PSEN2: variants seen among roughly 807,000 people sequenced by gnomAD.
The protein encoded by PSEN2 is presenilin 2, also known as presenilin-2.
A neutral mutation model predicts 49.1 loss-of-function variants in PSEN2; 32 were observed. The observed-to-expected ratio is 0.65, with a 90% CI of 0.49 to 0.88. The LOEUF (loss-of-function observed/expected upper bound fraction) is 0.88. Ranked by LOEUF, PSEN2 falls within the 40% of genes least tolerant of loss-of-function variation. The pLI, the probability that PSEN2 is intolerant of heterozygous loss-of-function variation, is 0.00. For missense variants in PSEN2, 522 were observed against 586.9 expected (o/e 0.89, Z 1.14); for synonymous variants, 255 against 244.0 (o/e 1.05, Z -0.42).
At chr1:226,882,588 G>A (rs907731545) in intron 4 of PSEN2, among the ~76,000 whole-genome samples, 4 of 152,144 alleles carry the variant, frequency 2.6e-5, no homozygotes, top group Non-Finnish European at 1.5e-5. Context: ...TTTCTCTCCC[G>A]ATCAGGGCAG....
intron 7 of PSEN2, 74 bp from the exon 8 acceptor site, chr1:226,888,755 C>G (rs1558149368): frequency 1.5e-6 from 2 of 1,327,094 alleles, no homozygotes; most frequent in Non-Finnish European, 2.2e-6. Context: ...CAGGTTGGGA[C>G]TGAATGGTGG....
intron 9 of PSEN2, chr1:226,890,423 AC>A: frequency 2.5e-6 from 1 of 405,476 alleles, no homozygotes; most frequent in Non-Finnish European, 4.7e-6. Context: ...TCCCGCAGCC[AC>A]CCCTCAGCTC....
intron 8 of PSEN2, 53 bp downstream of exon 8, chr1:226,889,102 A>G: frequency 5.3e-6 from 8 of 1,520,264 alleles, no homozygotes; most frequent in Non-Finnish European, 7.2e-6. Context: ...CCAGGGCCAA[A>G]TCGTCCCCAG....
intron 8 of PSEN2, 78 bp from the exon 9 acceptor site, chr1:226,889,957 G>C: frequency 8.8e-7 from 1 of 1,138,914 alleles, no homozygotes; most frequent in Non-Finnish European, 1.3e-6. Flanking sequence ...TCCACCCGGG[G>C]CTCCTGTGCT....
At position 226,891,972 on chromosome 1, in the gene PSEN2, C is replaced by T. The variant is rs114127255; in HGVS notation, c.1072+128C>T. 6,026 of 783,332 alleles carry T rather than the reference C, an allele frequency of 7.7e-3. 110 individuals are homozygous for T. The highest frequency in any genetic ancestry group is 0.039 in the African/African-American group (2,273 of 58,628). The allele number at this position is 783,332 out of a possible 1,614,324, so 48.5% of individuals were successfully genotyped here. ...GGGCCCCTTTTCCCATCAGAGGCAT[C>T]TCTGTGAAAGTAGAAGATGCCTGCA... On this transcript the variant is annotated intron_variant, in intron 11 of 12. Coordinates refer to ENST00000366783, the MANE Select transcript of PSEN2 (RefSeq NM_000447.3).
rs1395824320 is a variant in PSEN2, at chr1:226,888,089, A to C, written c.499-2A>C. 1 of 1,612,930 alleles carries C rather than the reference A, an allele frequency of 6.2e-7. No homozygotes were observed. Among genetic ancestry groups the C allele is most frequent in the South Asian group, 1.1e-5 (1 of 91,050 alleles). ...TGTGATCGTGCAATTTCTGTTGTCT[A>C]GTTCATCCATGGCTGGTTGATCATG... On this transcript the variant is annotated splice_acceptor_variant, in intron 6 of 12. Transcript: ENST00000366783. LOFTEE classifies it high-confidence loss of function.
chr1:226,895,985 A>G lies in PSEN2; in HGVS notation c.*406A>G. ...GAGTGTTCCCAATGCTTTGTCCATG[A>G]TGTCCTTGTTATTTTATTGCCTTTA... On this transcript the variant is annotated 3_prime_UTR_variant, in exon 13 of 13. Coordinates refer to ENST00000366783, the MANE Select transcript of PSEN2 (RefSeq NM_000447.3). The G allele has an allele frequency of 3.5e-6, 1 of 283,058 alleles. No individual in the cohort carries two copies. The highest frequency in any genetic ancestry group is 4.4e-5 in the South Asian group (1 of 22,872). The allele number at this position is 283,058 out of a possible 1,614,324, so 17.5% of individuals were successfully genotyped here.
At chr1:226,886,818 C>T (rs1339274452) in intron 6 of PSEN2, among the ~76,000 whole-genome samples, 22 of 152,058 alleles carry the variant, frequency 1.4e-4, no homozygotes, top group Admixed American at 1.4e-3. Flanking sequence ...GTAATGAGTA[C>T]CAGCTGGGCA....
rs377489312 is a variant in PSEN2 at position 226,894,065 on chromosome 1, G to A, written c.1131G>A (p.Ala377=). 23 of 1,614,090 alleles carry A rather than the reference G, an allele frequency of 1.4e-5. No homozygotes were observed. In the South Asian group the frequency reaches 1.4e-4, roughly 10 times the overall value. The change falls in exon 12 of 13, where the codon GCG becomes GCA. Residue 377 remains alanine (A), a synonymous_variant. Coordinates refer to ENST00000366783, the MANE Select transcript of PSEN2 (RefSeq NM_000447.3). Reference sequence around the variant, plus strand: ...TCTACAGTGTGCTGGTGGGCAAGGCGGCTGCCACGGGCAGCGGGGACTGGA... The same window carrying A: ...TCTACAGTGTGCTGGTGGGCAAGGCAGCTGCCACGGGCAGCGGGGACTGGA... ...FIFYSVLVGK[A]AATGSGDWNT... is the part of the protein sequence containing the mutation.
downstream of PSEN2, chr1:226,897,707 A>C (rs1225523509): frequency 6.4e-6 from 1 of 155,460 alleles, no homozygotes; most frequent in African/African-American, 2.4e-5. Flanking sequence ...ATATCTTTCC[A>C]TATTTGCTCC....
chr1:226,885,372 A>G (rs1661285398), intron 5 of PSEN2, among the ~76,000 whole-genome samples, 166 bp from the exon 6 acceptor site: 1 of 152,158 alleles, frequency 6.6e-6, no homozygotes, highest in Admixed American at 6.5e-5. Flanking sequence ...AATGAGCTGG[A>G]GGACAGGAAC....
chr1:226,894,523 A>G (rs765524086), intron 12 of PSEN2, among the ~76,000 whole-genome samples: 2 of 152,222 alleles, frequency 1.3e-5, no homozygotes, highest in Non-Finnish European at 2.9e-5. Context: ...AGTGAGGACC[A>G]TGTTTTCCCC....
At chr1:226,901,901 T>C (rs143914485) in intron 12 of PSEN2, among the ~76,000 whole-genome samples, 3 of 152,312 alleles carry the variant, frequency 2.0e-5, no homozygotes, top group East Asian at 1.9e-4. Context: ...AAGAGTCTTA[T>C]CACCTCAGGG....
intron 12 of PSEN2, 37 bp downstream of exon 12, chr1:226,894,162 G>C (rs1448396641): frequency 1.3e-6 from 2 of 1,562,524 alleles, no homozygotes; most frequent in Non-Finnish European, 1.8e-6. Context: ...GCCTCGTGGT[G>C]GGGGCCCCCA....
At chr1:226,889,325 G>A (rs1661584657) in intron 8 of PSEN2, among the ~76,000 whole-genome samples, 1 of 151,832 alleles carries the variant, frequency 6.6e-6, no homozygotes, top group South Asian at 2.1e-4. Context: ...CGCCCAGGCT[G>A]GAGTGTAGTG....
intron 6 of PSEN2, among the ~76,000 whole-genome samples, chr1:226,887,305 G>T (rs1303457524): frequency 1.3e-5 from 2 of 152,188 alleles, no homozygotes; most frequent in African/African-American, 2.4e-5. Context: ...CCTTTTGGCT[G>T]TGTGTGCAGC....
downstream of PSEN2, among the ~76,000 whole-genome samples, chr1:226,896,873 A>G (rs1350118331): frequency 2.0e-5 from 3 of 152,118 alleles, no homozygotes; most frequent in Non-Finnish European, 2.9e-5. Context: ...CTGGGGTTCA[A>G]ACTGGTACCC....
intron 12 of PSEN2, among the ~76,000 whole-genome samples, chr1:226,902,813 A>G (rs934004836): frequency 6.6e-6 from 1 of 152,158 alleles, no homozygotes; most frequent in Non-Finnish European, 1.5e-5. Flanking sequence ...CTTGCCAGCA[A>G]GGGCCTACAG....
chr1:226,897,442 G>A (rs1217872774), downstream of PSEN2: 2 of 154,618 alleles, frequency 1.3e-5, no homozygotes, highest in Non-Finnish European at 2.9e-5. Context: ...GCCTGGTGAT[G>A]GTTAGGGTGA....
Sources: allele counts gnomAD v4.1 joint callset (sites outside exome capture counted in the v4.1 genomes callset), GRCh38; gene constraint gnomAD v4.1.1; transcripts MANE v1.5; gene names NCBI Gene and HGNC (gene_info 2026-07-23, HGNC 2026-07-21).